The following FAM8A1 variants were observed in gnomAD, a reference collection of about 807,000 sequenced individuals.
FAM8A1 encodes the protein protein FAM8A1.
Under a neutral mutation model 38.3 loss-of-function variants are expected in FAM8A1, and 18 were observed. That is an observed-to-expected ratio of 0.47 (90% confidence interval 0.33 to 0.70). The LOEUF is 0.70. FAM8A1 is among the 30% of genes least tolerant of loss of function. The pLI is 0.03. For missense variants in FAM8A1, 559 were observed against 559.6 expected (o/e 1.00, Z 0.01); for synonymous variants, 246 against 234.4 (o/e 1.05, Z -0.45).
Position 17,611,232 on chromosome 6 carries a change from A to G in FAM8A1, c.*2893A>G, listed in dbSNP as rs1283758190. On this transcript the variant is annotated 3_prime_UTR_variant, in exon 5 of 5. Coordinates refer to ENST00000259963, the MANE Select transcript of FAM8A1 (RefSeq NM_016255.3). ...GTGTTTTTAGATTCAAGTGACAGTA[A>G]AAGGATTTGTTCCCTTCAGTGACTT... The G allele has an allele frequency of 6.6e-6, 1 of 152,336 alleles. No homozygotes were observed. Among genetic ancestry groups the G allele is most frequent in the Non-Finnish European group, 1.5e-5 (1 of 68,024 alleles). 9.4% of individuals were successfully genotyped at this position (152,336 alleles called of 1,614,324 possible).
chr6:17,600,538 C>T lies in FAM8A1; in HGVS notation c.129C>T (p.Pro43=). 2.0e-6 allele frequency: 3 copies of T among 1,523,116 alleles called. No individual in the cohort carries two copies. Among genetic ancestry groups the T allele is most frequent in the Non-Finnish European group, 2.6e-6 (3 of 1,139,844 alleles). 94.4% of individuals were successfully genotyped at this position (1,523,116 alleles called of 1,614,324 possible). ...TTAVPCPRDD[P]QAEPQAPGRP... ...CCGTCCCATGCCCCCGCGACGACCC[C>T]CAGGCCGAACCCCAGGCCCCGGGCC... Residue 43 remains proline, a synonymous_variant, in exon 1 of 5, where the codon CCC becomes CCT. Transcript: ENST00000259963.
In FAM8A1 at chr6:17,600,579, G is replaced by T. The variant is rs969336927; in HGVS notation, c.170G>T (p.Gly57Val). The T allele has an allele frequency of 6.0e-6, 9 of 1,493,506 alleles. No individual in the cohort carries two copies. The highest frequency in any genetic ancestry group is 1.5e-5 in the African/African-American group (1 of 67,232). 92.5% of individuals were successfully genotyped at this position (1,493,506 alleles called of 1,614,324 possible). A position where few individuals can be genotyped will look rare whatever the true frequency, so the allele number is the denominator to read the frequency against. ...PQAPGRPTAP[G>V]LAAAAAADKL... is the part of the protein sequence containing the mutation. ...GCCCCGGGCCGGCCCACAGCCCCGG[G>T]CCTCGCGGCTGCCGCCGCAGCCGAC... The change falls in exon 1 of 5, where the codon GGC (glycine) becomes GTC (valine). Residue 57 changes from glycine to valine, a missense_variant. By Grantham distance (109) the Gly-to-Val change is moderately radical. Coordinates refer to ENST00000259963, the MANE Select transcript of FAM8A1 (RefSeq NM_016255.3).
chr6:17,602,220 G>C (rs1056085498), intron 1 of FAM8A1, among the ~76,000 whole-genome samples: 1 of 152,204 alleles, frequency 6.6e-6, no homozygotes, highest in East Asian at 1.9e-4. Flanking sequence ...TTGTTGAGAC[G>C]GGGTTTCGCC....
rs1764032216 is a variant in FAM8A1, at chr6:17,604,932, A to C, written c.860A>C (p.Tyr287Ser). ...GATATCTCTAAGTTTGCTATGCATT[A>C]TATAATAGAAGAAATAGATGAAGAC... ...IKDISKFAMH[Y>S]IIEEIDEDTS... The change falls in exon 3 of 5, where the codon TAT becomes TCT. Residue 287 changes from tyrosine to serine, a missense_variant. Tyr to Ser is a moderately radical substitution (Grantham distance 144). Coordinates refer to ENST00000259963, the MANE Select transcript of FAM8A1 (RefSeq NM_016255.3). 6.2e-7 allele frequency: 1 copy of C among 1,602,648 alleles called. No individual in the cohort carries two copies. The highest frequency in any genetic ancestry group is 8.5e-7 in the Non-Finnish European group (1 of 1,172,238).
intron 2 of FAM8A1, 51 bp downstream of exon 2, chr6:17,602,761 C>G: frequency 1.9e-6 from 3 of 1,559,210 alleles, no homozygotes; most frequent in Non-Finnish European, 2.6e-6. Context: ...GTTTAATGAT[C>G]TTGTTTTATT....
Position 17,604,893 on chromosome 6 carries a change from T to C in FAM8A1, c.834-13T>C. On this transcript the variant is annotated splice_polypyrimidine_tract_variant and intron_variant, in intron 2 of 4. Coordinates refer to ENST00000259963, the MANE Select transcript of FAM8A1 (RefSeq NM_016255.3). ...ACTAATTATTTATAACCCCAAACTA[T>C]TATTTTGTGTAGGGATATCTCTAAG... 6.4e-7 allele frequency: 1 copy of C among 1,564,822 alleles called. No individual in the cohort carries two copies. The highest frequency in any genetic ancestry group is 8.6e-7 in the Non-Finnish European group (1 of 1,157,036).
In FAM8A1 at chr6:17,604,900, G is replaced by C. The variant is rs758527456; in HGVS notation, c.834-6G>C. On this transcript the variant is annotated splice_region_variant and splice_polypyrimidine_tract_variant and intron_variant, in intron 2 of 4. Coordinates refer to ENST00000259963, the MANE Select transcript of FAM8A1 (RefSeq NM_016255.3). ...ATTTATAACCCCAAACTATTATTTT[G>C]TGTAGGGATATCTCTAAGTTTGCTA... is the stretch of plus-strand genomic sequence containing the variant. 4 of 1,575,362 alleles carry C rather than the reference G, an allele frequency of 2.5e-6. No individual in the cohort carries two copies. Among genetic ancestry groups the C allele is most frequent in the Non-Finnish European group, 3.4e-6 (4 of 1,161,672 alleles).
At chr6:17,605,468 G>GTT (rs11399580) in intron 3 of FAM8A1, among the ~76,000 whole-genome samples, 31 of 151,800 alleles carry the variant, frequency 2.0e-4, no homozygotes, top group South Asian at 1.7e-3. Context: ...CTACTTTTCT[G>GTT]TTTTTTTTCC....
rs558675886 is a variant in FAM8A1 at position 17,606,503 on chromosome 6, A to G, written c.1097+490A>G. Among the ~76,000 whole-genome samples the G allele has an allele frequency of 1.5e-3, 227 of 152,276 alleles. 2 individuals are homozygous for G. Among genetic ancestry groups the G allele is most frequent in the African/African-American group, 5.0e-3 (207 of 41,556 alleles). On this transcript the variant is annotated intron_variant, in intron 4 of 4. Transcript: ENST00000259963. The stretch of plus-strand genomic sequence containing the variant: ...ACGTGAGCCACCATGCCCTGCCTCA[A>G]GATGATCATTTTATGAATTATAAGT...
At chr6:17,602,883 C>T (rs1764005596) in intron 2 of FAM8A1, among the ~76,000 whole-genome samples, 173 bp downstream of exon 2, 1 of 151,918 alleles carries the variant, frequency 6.6e-6, no homozygotes, top group Admixed American at 6.6e-5. Context: ...TAAGAAATAA[C>T]TAGAAAGGAA....
At chr6:17,606,161 T>C in intron 4 of FAM8A1, 148 bp downstream of exon 4, 1 of 516,998 alleles carries the variant, frequency 1.9e-6, no homozygotes, top group Non-Finnish European at 3.1e-6. Context: ...TGTTACATGA[T>C]TGTAGACCTC....
In FAM8A1 at chr6:17,608,470, CTG is replaced by C; in HGVS notation, c.*132_*133del. 2.1e-6 allele frequency: 2 copies of C among 964,920 alleles called. No homozygotes were observed. The highest frequency in any genetic ancestry group is 2.9e-6 in the Non-Finnish European group (2 of 690,764). 59.8% of individuals were successfully genotyped at this position (964,920 alleles called of 1,614,324 possible). A position where few individuals can be genotyped will look rare whatever the true frequency, so the allele number is the denominator to read the frequency against. On this transcript the variant is annotated 3_prime_UTR_variant, in exon 5 of 5. Coordinates refer to ENST00000259963, the MANE Select transcript of FAM8A1 (RefSeq NM_016255.3). Reference sequence around the variant, plus strand: ...CTCCAGTGTGATGCAGGTGACTACTCTGAAAGTATTGATTATACTTGAATGCC... The same window carrying C: ...CTCCAGTGTGATGCAGGTGACTACTCAAAGTATTGATTATACTTGAATGCC...
chr6:17,609,821 T>TATC lies in FAM8A1; in HGVS notation c.*1483_*1485dup, dbSNP rs1270518186. On this transcript the variant is annotated 3_prime_UTR_variant, in exon 5 of 5. Coordinates refer to ENST00000259963, the MANE Select transcript of FAM8A1 (RefSeq NM_016255.3). ...TAAATTTAACAGCAAACACAGCACA[T>TATC]ATCTATTATCACTATATTAATTTTC... 6.6e-6 allele frequency: 1 copy of TATC among 152,202 alleles called. No homozygotes were observed. Among genetic ancestry groups the TATC allele is most frequent in the Non-Finnish European group, 1.5e-5 (1 of 68,014 alleles). The allele number at this position is 152,202 out of a possible 1,614,324, so 9.4% of individuals were successfully genotyped here. A position where few individuals can be genotyped will look rare whatever the true frequency, so the allele number is the denominator to read the frequency against.
intron 2 of FAM8A1, among the ~76,000 whole-genome samples, chr6:17,604,090 G>T (rs1764021648): frequency 6.6e-6 from 1 of 151,102 alleles, no homozygotes; most frequent in Admixed American, 6.6e-5. Context: ...AATGTTTATT[G>T]TTTTTTTAGA....
In FAM8A1 at chr6:17,604,912, C is replaced by G; in HGVS notation, c.840C>G (p.Ile280Met). 6.3e-7 allele frequency: 1 copy of G among 1,578,010 alleles called. No individual in the cohort carries two copies. Among genetic ancestry groups the G allele is most frequent in the Non-Finnish European group, 8.6e-7 (1 of 1,161,628 alleles). The change falls in exon 3 of 5, where the codon ATC becomes ATG. Residue 280 changes from isoleucine to methionine, a missense_variant. Ile to Met is a conservative substitution (Grantham distance 10). This residue lies in a region of FAM8A1 where 166 missense variants were observed against 220.8 expected (regional missense o/e 0.75). Transcript: ENST00000259963. ...SIMHLSGIKD[I>M]SKFAMHYIIE... ...AAACTATTATTTTGTGTAGGGATAT[C>G]TCTAAGTTTGCTATGCATTATATAA...
At chr6:17,604,834 T>G in intron 2 of FAM8A1, 72 bp from the exon 3 acceptor site, 1 of 1,236,732 alleles carries the variant, frequency 8.1e-7, no homozygotes, top group Non-Finnish European at 1.1e-6. Flanking sequence ...TGACTTGCAC[T>G]AATGAAAAAA....
At position 17,608,376 on chromosome 6, in the gene FAM8A1, A is replaced by G. The variant is rs1764087854; in HGVS notation, c.*37A>G. ...ACCCTGATTTCCACACACTAAGACT[A>G]AATTATGTATCAAGGCCATCAGTAT... On this transcript the variant is annotated 3_prime_UTR_variant, in exon 5 of 5. Transcript: ENST00000259963. The G allele has an allele frequency of 1.3e-6, 2 of 1,588,728 alleles. No individual in the cohort carries two copies. The highest frequency in any genetic ancestry group is 8.6e-7 in the Non-Finnish European group (1 of 1,168,240).
intron 3 of FAM8A1, 65 bp from the exon 4 acceptor site, chr6:17,605,809 A>C: frequency 7.2e-7 from 1 of 1,394,172 alleles, no homozygotes. Flanking sequence ...ATATGGTGGG[A>C]AAAGTTTATC....
rs1409408037 is a variant in FAM8A1, at chr6:17,600,464, G to A, written c.55G>A (p.Gly19Arg). The A allele has an allele frequency of 1.3e-6, 2 of 1,498,954 alleles. No individual in the cohort carries two copies. The highest frequency in any genetic ancestry group is 1.5e-5 in the African/African-American group (1 of 68,210). 92.9% of individuals were successfully genotyped at this position (1,498,954 alleles called of 1,614,324 possible). The change falls in exon 1 of 5, where the codon GGA (glycine) becomes AGA (arginine). Residue 19 changes from glycine to arginine, a missense_variant. By Grantham distance (125) the Gly-to-Arg change is moderately radical. Transcript: ENST00000259963. ...RGHPPGQDDG[G>R]GDHEPVPSLR... ...CCACCCTCCCGGGCAGGACGATGGC[G>A]GAGGGGACCACGAGCCCGTCCCTTC...
Sources: allele counts gnomAD v4.1 joint callset (sites outside exome capture counted in the v4.1 genomes callset), GRCh38; gene constraint gnomAD v4.1.1; regional missense constraint gnomAD v4.1.1; transcripts MANE v1.5; gene names NCBI Gene and HGNC (gene_info 2026-07-23, HGNC 2026-07-21).